LHX8: variants seen among roughly 807,000 people sequenced by gnomAD.
The protein encoded by LHX8 is LIM homeobox 8.
In LHX8, 12 loss-of-function variants were observed where a neutral mutation model predicts 40.3. The observed-to-expected ratio is 0.30, with a 90% CI of 0.19 to 0.48. LHX8 has a LOEUF of 0.48. Among genes scored for constraint, LHX8 ranks in the 20% least tolerant of loss-of-function variants. The probability of loss-of-function intolerance (pLI) is 0.99; values close to 1 mark genes in which losing one functional copy is unlikely to be tolerated. For missense variants in LHX8, 344 were observed against 433.7 expected (o/e 0.79, Z 1.84); for synonymous variants, 179 against 162.0 (o/e 1.10, Z -0.80).
chr1:75,187,880 C>A, the LHX8 span, among the ~76,000 whole-genome samples: 2 of 152,048 alleles, frequency 1.3e-5, no homozygotes, highest in African/African-American at 2.4e-5. Flanking sequence ...TCACCCAGGT[C>A]AAGGAAACTA....
chr1:75,153,512 G>T (rs982456478), intron 7 of LHX8, among the ~76,000 whole-genome samples: 1 of 77,572 alleles, frequency 1.3e-5, no homozygotes, highest in Non-Finnish European at 2.9e-5. Flanking sequence ...TCCTGGGCTC[G>T]AGTGATTCTC....
intron 7 of LHX8, among the ~76,000 whole-genome samples, chr1:75,149,472 G>A (rs1029875281): frequency 9.2e-5 from 14 of 152,166 alleles, no homozygotes; most frequent in Non-Finnish European, 1.5e-4. Flanking sequence ...GCCCAGCAAC[G>A]TAGTGTGGTT....
chr1:75,160,493 A>G (rs1648888678), intron 8 of LHX8: 1 of 343,478 alleles, frequency 2.9e-6, no homozygotes, highest in Non-Finnish European at 5.4e-6. Context: ...AAACACCTTC[A>G]TGAGAAAGCT....
intron 3 of LHX8, among the ~76,000 whole-genome samples, chr1:75,138,554 A>G (rs1292844620): frequency 6.6e-6 from 1 of 152,146 alleles, no homozygotes; most frequent in Non-Finnish European, 1.5e-5. Flanking sequence ...TCCACTTTCA[A>G]TGTTTCTAAA....
chr1:75,183,535 T>C, the LHX8 span, among the ~76,000 whole-genome samples: 2 of 152,064 alleles, frequency 1.3e-5, no homozygotes, highest in African/African-American at 4.8e-5. Context: ...TAAGCTTTCT[T>C]AGCAAAAGAG....
At chr1:75,152,601 A>G (rs114891806) in intron 7 of LHX8, among the ~76,000 whole-genome samples, 2,271 of 152,300 alleles carry the variant, frequency 0.015, 55 homozygotes, top group African/African-American at 0.052. Context: ...TTGTATATCT[A>G]CCTTGCGTGC....
At chr1:75,156,755 T>C in intron 7 of LHX8, 138 bp from the exon 8 acceptor site, 1 of 831,350 alleles carries the variant, frequency 1.2e-6, no homozygotes, top group African/African-American at 1.7e-5. Flanking sequence ...ATAGAACTTT[T>C]ATAAAAGCTG....
At chr1:75,178,537 A>G in the LHX8 span, among the ~76,000 whole-genome samples, 1 of 151,662 alleles carries the variant, frequency 6.6e-6, no homozygotes, top group South Asian at 2.1e-4. Flanking sequence ...ATCATTTTTT[A>G]TTGCATCTAT....
intron 3 of LHX8, 99 bp downstream of exon 3, chr1:75,137,360 G>C: frequency 7.9e-7 from 1 of 1,271,362 alleles, no homozygotes; most frequent in Non-Finnish European, 1.1e-6. Flanking sequence ...TTCCGTTCAA[G>C]TTCTGGGTGA....
chr1:75,148,024 C>CT (rs1403055167), intron 6 of LHX8, among the ~76,000 whole-genome samples: 1 of 152,190 alleles, frequency 6.6e-6, no homozygotes, highest in African/African-American at 2.4e-5. Context: ...TGTTTAGACT[C>CT]TGGTAAATTC....
chr1:75,170,560 T>C, the LHX8 span, among the ~76,000 whole-genome samples: 1 of 152,194 alleles, frequency 6.6e-6, no homozygotes, highest in Non-Finnish European at 1.5e-5. Flanking sequence ...ATGAGCTATC[T>C]ATTTCTTTAC....
At chr1:75,179,270 T>G in the LHX8 span, among the ~76,000 whole-genome samples, 35,986 of 151,970 alleles carry the variant, frequency 0.24, 4,661 homozygotes, top group Middle Eastern at 0.35. Flanking sequence ...TTGACAGTGG[T>G]GTGTTAAAGT....
chr1:75,134,833 T>A lies in LHX8; in HGVS notation c.-134T>A, dbSNP rs1027123155. 1.6e-4 allele frequency: 135 copies of A among 819,582 alleles called. No individual in the cohort carries two copies. In the Middle Eastern group the frequency reaches 2.5e-3, roughly 15 times the overall value. The allele number at this position is 819,582 out of a possible 1,614,324, so 50.8% of individuals were successfully genotyped here. On this transcript the variant is annotated 5_prime_UTR_variant, in exon 1 of 9. Transcript: ENST00000356261. Reference sequence around the variant, plus strand: ...TTCAGACCTGGCAATTTTTTTTTTTTATTACGTAGTAGCGTTAGTCAGTAA... The same window carrying A: ...TTCAGACCTGGCAATTTTTTTTTTTAATTACGTAGTAGCGTTAGTCAGTAA...
intron 4 of LHX8, among the ~76,000 whole-genome samples, chr1:75,141,646 C>A (rs1015240716): frequency 1.3e-5 from 2 of 152,098 alleles, no homozygotes; most frequent in African/African-American, 4.8e-5. Flanking sequence ...CAAACTATTT[C>A]TTTTGTCCGA....
At chr1:75,162,325 G>T (rs1467917728), downstream of LHX8, among the ~76,000 whole-genome samples, 2 of 151,628 alleles carry the variant, frequency 1.3e-5, no homozygotes, top group Non-Finnish European at 2.9e-5. Context: ...CTAATCTTGA[G>T]CCTGATGCTA....
rs1315086601 is a variant in LHX8 at position 75,134,968 on chromosome 1, T to C, written c.-13+14T>C. 1 of 983,138 alleles carries C rather than the reference T, an allele frequency of 1.0e-6. No homozygotes were observed. The highest frequency in any genetic ancestry group is 1.2e-6 in the Non-Finnish European group (1 of 827,982). The allele number at this position is 983,138 out of a possible 1,614,324, so 60.9% of individuals were successfully genotyped here. A position where few individuals can be genotyped will look rare whatever the true frequency, so the allele number is the denominator to read the frequency against. On this transcript the variant is annotated intron_variant, in intron 1 of 8. Transcript: ENST00000356261. ...TCTCAGGTCCATGTGAGTCGTGCTTTTGTTCTATTTGCTGTGGTGATCGTG... is the reference window on the plus strand; with the variant it reads ...TCTCAGGTCCATGTGAGTCGTGCTTCTGTTCTATTTGCTGTGGTGATCGTG...
intron 1 of LHX8, among the ~76,000 whole-genome samples, chr1:75,136,121 T>C (rs1318994555): frequency 1.3e-5 from 2 of 152,192 alleles, no homozygotes; most frequent in Non-Finnish European, 2.9e-5. Context: ...ATATGTGTCT[T>C]GCTCTTTTAA....
At chr1:75,171,160 G>C in the LHX8 span, among the ~76,000 whole-genome samples, 802 of 152,204 alleles carry the variant, frequency 5.3e-3, 2 homozygotes, top group Non-Finnish European at 8.6e-3. Flanking sequence ...AGAATAATTA[G>C]ATCTATTTTG....
At position 75,160,932 on chromosome 1, in the gene LHX8, A is replaced by G; in HGVS notation, c.*37A>G. 1 of 1,425,140 alleles carries G rather than the reference A, an allele frequency of 7.0e-7. No homozygotes were observed. Among genetic ancestry groups the G allele is most frequent in the Non-Finnish European group, 9.9e-7 (1 of 1,008,016 alleles). The allele number at this position is 1,425,140 out of a possible 1,614,324, so 88.3% of individuals were successfully genotyped here. A position where few individuals can be genotyped will look rare whatever the true frequency, so the allele number is the denominator to read the frequency against. ...GGGATAGACTTGATTAAGGATATAA[A>G]TTTGTCATTTATTATGTATAAAATA... On this transcript the variant is annotated 3_prime_UTR_variant, in exon 9 of 9. Transcript: ENST00000356261.
Sources: allele counts gnomAD v4.1 joint callset (sites outside exome capture counted in the v4.1 genomes callset), GRCh38; gene constraint gnomAD v4.1.1; transcripts MANE v1.5; gene names NCBI Gene and HGNC (gene_info 2026-07-23, HGNC 2026-07-21).